SIMC1: variants seen among roughly 807,000 people sequenced by gnomAD.
SIMC1 encodes SUMO interacting motifs containing 1.
A neutral mutation model predicts 82.3 loss-of-function variants in SIMC1; 55 were observed. That is an observed-to-expected ratio of 0.67 (90% CI 0.54 to 0.84). SIMC1 has a LOEUF of 0.84. SIMC1 is among the 40% of genes least tolerant of loss of function. SIMC1 has a pLI of 0.00. For synonymous variants in SIMC1, 353 were observed against 426.3 expected, an observed-to-expected ratio of 0.83 and a Z score of 2.12; for missense variants, 915 against 1,107.2, an observed-to-expected ratio of 0.83 and a Z score of 2.46.
At chr5:176,314,657 A>T (rs1764820827) in intron 5 of SIMC1, among the ~76,000 whole-genome samples, 1 of 152,148 alleles carries the variant, frequency 6.6e-6, no homozygotes, top group African/African-American at 2.4e-5. Flanking sequence ...GAAGCATGGA[A>T]CTACTATATG....
chr5:176,278,548 C>A, intron 1 of SIMC1, among the ~76,000 whole-genome samples: 1 of 50,100 alleles, frequency 2.0e-5, no homozygotes, highest in East Asian at 4.3e-4. Flanking sequence ...GGGAATGCTT[C>A]CAGTTTTTGC....
At chr5:176,271,918 ATATTATATTATAATATATAC>A (rs1762447560) in intron 1 of SIMC1, among the ~76,000 whole-genome samples, 2 of 39,256 alleles carry the variant, frequency 5.1e-5, no homozygotes, top group South Asian at 1.4e-3. Context: ...ATATAATTGT[ATATTATATTATAATATATAC>A]TATTATATAT....
intron 1 of SIMC1, among the ~76,000 whole-genome samples, chr5:176,284,507 T>C (rs1019548179): frequency 2.0e-5 from 3 of 152,192 alleles, no homozygotes; most frequent in African/African-American, 7.2e-5. Flanking sequence ...CCAGAATCTC[T>C]GGGATACATT....
intron 4 of SIMC1, among the ~76,000 whole-genome samples, chr5:176,302,517 A>G (rs1216592609): frequency 6.6e-6 from 1 of 152,228 alleles, no homozygotes. Context: ...TGCTCTTGCC[A>G]CTTCTATTCA....
intron 7 of SIMC1, among the ~76,000 whole-genome samples, chr5:176,335,104 A>T (rs145759095): frequency 0.1 from 10,430 of 100,068 alleles, 1,202 homozygotes; most frequent in African/African-American, 0.25. Context: ...CTCAAAAAAA[A>T]AAAAATAATA....
intron 7 of SIMC1, among the ~76,000 whole-genome samples, chr5:176,331,944 G>C (rs1765688298): frequency 6.6e-6 from 1 of 151,854 alleles, no homozygotes; most frequent in Admixed American, 6.6e-5. Context: ...ACTCCAGCCT[G>C]GGCAACAGAG....
In SIMC1 at chr5:176,321,885, C is replaced by CTTTTTTTTTT. The variant is rs11418187; in HGVS notation, c.1890-376_1890-367dup. 5.4e-4 allele frequency among the ~76,000 whole-genome samples: 49 copies of CTTTTTTTTTT among 90,732 alleles called. 2 individuals are homozygous for CTTTTTTTTTT. Among genetic ancestry groups the CTTTTTTTTTT allele is most frequent in the Non-Finnish European group, 5.9e-4 (30 of 50,556 alleles). The allele number at this position is 90,732 out of a possible 152,430, so 59.5% of individuals were successfully genotyped here. A position where few individuals can be genotyped will look rare whatever the true frequency, so the allele number is the denominator to read the frequency against. Reference sequence around the variant, plus strand: ...AGAAAAATGTTGATATTTTAGTTAGCTTTTTTTTTTTTTTTTTTTTTGTAG... The same window carrying CTTTTTTTTTT: ...AGAAAAATGTTGATATTTTAGTTAGCTTTTTTTTTTTTTTTTTTTTTTTTTTTTTTTGTAG... On this transcript the variant is annotated intron_variant, in intron 5 of 9. Transcript: ENST00000429602.
At chr5:176,344,260 T>A (rs1766293877) in intron 9 of SIMC1, among the ~76,000 whole-genome samples, 1 of 152,230 alleles carries the variant, frequency 6.6e-6, no homozygotes, top group African/African-American at 2.4e-5. Flanking sequence ...CAGCTTTTAC[T>A]TGTCTTTCAT....
chr5:176,295,377 A>G (rs548208065), intron 3 of SIMC1, 115 bp downstream of exon 3: 25 of 1,463,042 alleles, frequency 1.7e-5, no homozygotes, highest in African/African-American at 2.9e-5. Context: ...GACTTAGCAT[A>G]TTAGTGTTAT....
chr5:176,271,845 AC>A (rs1241760175), intron 1 of SIMC1, among the ~76,000 whole-genome samples: 4 of 146,810 alleles, frequency 2.7e-5, no homozygotes, highest in Admixed American at 1.4e-4. Context: ...TATCTCATGT[AC>A]CCCATAGATA....
chr5:176,257,732 A>G (rs1761893262), intron 1 of SIMC1, among the ~76,000 whole-genome samples: 1 of 152,110 alleles, frequency 6.6e-6, no homozygotes, highest in African/African-American at 2.4e-5. Flanking sequence ...TGTCCTGGCT[A>G]TTTGTACCCA....
chr5:176,297,901 G>C (rs1287791833), intron 4 of SIMC1, among the ~76,000 whole-genome samples: 1 of 152,144 alleles, frequency 6.6e-6, no homozygotes, highest in African/African-American at 2.4e-5. Flanking sequence ...GAGTATTGAA[G>C]TCCCAAGATT....
At chr5:176,246,888 C>A (rs1331215133) in intron 1 of SIMC1, among the ~76,000 whole-genome samples, 1 of 151,928 alleles carries the variant, frequency 6.6e-6, no homozygotes, top group Non-Finnish European at 1.5e-5. Flanking sequence ...TGTTAGTTTG[C>A]TGAGAATGAT....
intron 1 of SIMC1, among the ~76,000 whole-genome samples, chr5:176,271,212 T>G (rs1251101440): frequency 3.3e-5 from 5 of 151,792 alleles, no homozygotes; most frequent in Non-Finnish European, 7.4e-5. Context: ...ATACAAAAAT[T>G]AGCCAGGCAT....
chr5:176,317,500 T>A (rs1188391672), intron 5 of SIMC1, among the ~76,000 whole-genome samples: 2 of 152,192 alleles, frequency 1.3e-5, no homozygotes, highest in African/African-American at 4.8e-5. Flanking sequence ...TTCTTGATTT[T>A]TCATTGTTAG....
chr5:176,307,885 C>A (rs1398981409), intron 4 of SIMC1, among the ~76,000 whole-genome samples: 1 of 152,128 alleles, frequency 6.6e-6, no homozygotes, highest in African/African-American at 2.4e-5. Context: ...TATTCCAATT[C>A]TAGATATAGA....
intron 4 of SIMC1, among the ~76,000 whole-genome samples, chr5:176,302,807 A>G (rs1179048740): frequency 6.6e-6 from 1 of 152,210 alleles, no homozygotes; most frequent in Non-Finnish European, 1.5e-5. Flanking sequence ...CATTTACAAT[A>G]TCATCAAAAA....
intron 1 of SIMC1, among the ~76,000 whole-genome samples, chr5:176,268,530 T>C (rs1483824712): frequency 6.6e-6 from 1 of 150,974 alleles, no homozygotes; most frequent in African/African-American, 2.4e-5. Context: ...GTAGTAACTC[T>C]ATTCTTACCA....
chr5:176,247,556 G>A (rs1002915286), intron 1 of SIMC1, among the ~76,000 whole-genome samples: 20 of 152,034 alleles, frequency 1.3e-4, no homozygotes, highest in Non-Finnish European at 2.1e-4. Flanking sequence ...CATTCTGTAG[G>A]TTACCTGTTC....
Sources: allele counts gnomAD v4.1 joint callset (sites outside exome capture counted in the v4.1 genomes callset), GRCh38; gene constraint gnomAD v4.1.1; transcripts MANE v1.5; gene names NCBI Gene and HGNC (gene_info 2026-07-23, HGNC 2026-07-21).